TBX18: variants seen among roughly 807,000 people sequenced by gnomAD.
The protein encoded by TBX18 is T-box transcription factor 18.
A neutral mutation model predicts 55.0 loss-of-function variants in TBX18; 21 were observed. The observed-to-expected ratio is 0.38, with a 90% CI of 0.27 to 0.55. The LOEUF (loss-of-function observed/expected upper bound fraction) is 0.55. Among genes scored for constraint, TBX18 ranks in the 20% least tolerant of loss-of-function variants. The probability of loss-of-function intolerance (pLI) is 0.73; values close to 1 mark genes in which losing one functional copy is unlikely to be tolerated. For synonymous variants in TBX18, 342 were observed against 326.1 expected, an observed-to-expected ratio of 1.05 and a Z score of -0.53; for missense variants, 840 against 799.6, an observed-to-expected ratio of 1.05 and a Z score of -0.61.
chr6:84,737,752 A>G (rs184994473), intron 7 of TBX18, among the ~76,000 whole-genome samples: 1 of 152,298 alleles, frequency 6.6e-6, no homozygotes, highest in African/African-American at 2.4e-5. Flanking sequence ...ACTTGACAGA[A>G]CTTAAGGGGA....
intron 6 of TBX18, among the ~76,000 whole-genome samples, chr6:84,740,115 G>T (rs1767008484): frequency 1.3e-5 from 2 of 152,174 alleles, no homozygotes; most frequent in Non-Finnish European, 2.9e-5. Context: ...TCAAAGAGAT[G>T]TCTGCAGCCC....
At chr6:84,739,500 G>A (rs1766988577) in intron 6 of TBX18, among the ~76,000 whole-genome samples, 1 of 152,032 alleles carries the variant, frequency 6.6e-6, no homozygotes, top group Non-Finnish European at 1.5e-5. Context: ...CACTCAACTA[G>A]ATCATTCTCA....
At chr6:84,755,632 CT>C (rs1000314814) in intron 4 of TBX18, among the ~76,000 whole-genome samples, 1 of 152,190 alleles carries the variant, frequency 6.6e-6, no homozygotes, top group Admixed American at 6.5e-5. Context: ...TACTATGTTA[CT>C]TTTTTATTTC....
chr6:84,737,232 G>C lies in TBX18; in HGVS notation c.1277C>G (p.Thr426Ser). Reference sequence around the variant, plus strand: ...CAAAGATGTGCTGTATCGGTTGAGGGTGAGGCCTGAGCGGGCACAGGCAGA... The same window carrying C: ...CAAAGATGTGCTGTATCGGTTGAGGCTGAGGCCTGAGCGGGCACAGGCAGA... ...DYSACARSGL[T>S]LNRYSTSLAE... Residue 426 changes from threonine (T) to serine (S), a missense_variant, in exon 8 of 8, where the codon ACC becomes AGC. Coordinates refer to ENST00000369663, the MANE Select transcript of TBX18 (RefSeq NM_001080508.3). 6.2e-7 allele frequency: 1 copy of C among 1,610,476 alleles called. No homozygotes were observed. Among genetic ancestry groups the C allele is most frequent in the Non-Finnish European group, 8.5e-7 (1 of 1,177,980 alleles).
At position 84,764,220 on chromosome 6, in the gene TBX18, C is replaced by T. The variant is rs1159935491; in HGVS notation, c.-39G>A. 10 of 1,177,850 alleles carry T rather than the reference C, an allele frequency of 8.5e-6. No individual in the cohort carries two copies. The highest frequency in any genetic ancestry group is 1.1e-5 in the Non-Finnish European group (10 of 892,648). 73.0% of individuals were successfully genotyped at this position (1,177,850 alleles called of 1,614,324 possible). On this transcript the variant is annotated 5_prime_UTR_variant, in exon 1 of 8. Coordinates refer to ENST00000369663, the MANE Select transcript of TBX18 (RefSeq NM_001080508.3). Reference sequence around the variant, plus strand: ...CGCCCGCCCGCCCCTCTCTCATATACACTCACGCGGGCACACGCGCGCTCT... The same window carrying T: ...CGCCCGCCCGCCCCTCTCTCATATATACTCACGCGGGCACACGCGCGCTCT...
chr6:84,744,436 A>G, intron 5 of TBX18, 111 bp from the exon 6 acceptor site: 1 of 807,700 alleles, frequency 1.2e-6, no homozygotes, highest in Non-Finnish European at 2.0e-6. Context: ...ACTCTATTGT[A>G]TAAGCCTCTT....
In TBX18 at chr6:84,735,703, G is replaced by A. The variant is rs1773919982; in HGVS notation, c.*982C>T. ...TATACTATCGGTCAGGAAGCTCAGA[G>A]CAAGATGGAAAAAATATTCTAAATT... On this transcript the variant is annotated 3_prime_UTR_variant, in exon 8 of 8. Transcript: ENST00000369663. The A allele has an allele frequency of 2.0e-5, 3 of 152,046 alleles. No individual in the cohort carries two copies. The highest frequency in any genetic ancestry group is 4.4e-5 in the Non-Finnish European group (3 of 67,994). 9.4% of individuals were successfully genotyped at this position (152,046 alleles called of 1,614,324 possible).
At chr6:84,759,101 A>G (rs1767575544) in intron 3 of TBX18, among the ~76,000 whole-genome samples, 1 of 152,158 alleles carries the variant, frequency 6.6e-6, no homozygotes, top group African/African-American at 2.4e-5. Flanking sequence ...TAAATCAAGT[A>G]TATTTAAAAA....
At chr6:84,748,977 A>T (rs528566685) in intron 4 of TBX18, among the ~76,000 whole-genome samples, 1 of 152,352 alleles carries the variant, frequency 6.6e-6, no homozygotes, top group African/African-American at 2.4e-5. Context: ...TCTTAAATTT[A>T]AAAAATGACC....
intron 3 of TBX18, among the ~76,000 whole-genome samples, chr6:84,759,688 A>G (rs1767594223): frequency 6.6e-6 from 1 of 152,114 alleles, no homozygotes; most frequent in African/African-American, 2.4e-5. Flanking sequence ...ATACCAAAAA[A>G]ACAACAGAAA....
At chr6:84,762,427 C>T (rs1352111323) in intron 2 of TBX18, 117 bp downstream of exon 2, 4 of 1,279,830 alleles carry the variant, frequency 3.1e-6, no homozygotes, top group East Asian at 4.6e-5. Context: ...CCCGTTTGAC[C>T]GAAAATGCTA....
At position 84,763,971 on chromosome 6, in the gene TBX18, C is replaced by T. The variant is rs1767739970; in HGVS notation, c.211G>A (p.Glu71Lys). 1.9e-6 allele frequency: 3 copies of T among 1,581,054 alleles called. No homozygotes were observed. Among genetic ancestry groups the T allele is most frequent in the Non-Finnish European group, 2.6e-6 (3 of 1,169,392 alleles). Reference sequence around the variant, plus strand: ...GCCGGCGGCGGGAGCGCAGCGCCTTCGTCTCCCTCAGAAGAACCCTTTTCG... The same window carrying T: ...GCCGGCGGCGGGAGCGCAGCGCCTTTGTCTCCCTCAGAAGAACCCTTTTCG... ...AGEKGSSEGD[E>K]GAALPPPAGA... Residue 71 changes from glutamate to lysine, a missense_variant, in exon 1 of 8, where the codon GAA (glutamate) becomes AAA (lysine). Physicochemically the swap from Glu to Lys is moderately conservative, Grantham distance 56. Coordinates refer to ENST00000369663, the MANE Select transcript of TBX18 (RefSeq NM_001080508.3).
At chr6:84,745,125 ATGTTT>A (rs1334436166) in intron 5 of TBX18, among the ~76,000 whole-genome samples, 1 of 152,184 alleles carries the variant, frequency 6.6e-6, no homozygotes, top group African/African-American at 2.4e-5. Context: ...CCTATATATG[ATGTTT>A]TAGTTTTAAC....
chr6:84,750,975 A>C (rs1008676573), intron 4 of TBX18, among the ~76,000 whole-genome samples: 2 of 152,184 alleles, frequency 1.3e-5, no homozygotes, highest in Non-Finnish European at 2.9e-5. Flanking sequence ...AGGGGAGTTT[A>C]AGGGAGAACC....
At chr6:84,759,895 T>C (rs1207444527) in intron 3 of TBX18, among the ~76,000 whole-genome samples, 1 of 152,156 alleles carries the variant, frequency 6.6e-6, no homozygotes, top group Non-Finnish European at 1.5e-5. Flanking sequence ...TGACTTTCCA[T>C]TTAATATAAT....
At chr6:84,757,078 C>T (rs562216371) in intron 3 of TBX18, among the ~76,000 whole-genome samples, 18 of 152,272 alleles carry the variant, frequency 1.2e-4, no homozygotes, top group East Asian at 3.9e-4. Context: ...GGCGTGTTAA[C>T]GGCTTAGTGA....
In TBX18 at chr6:84,754,574, T is replaced by C. The variant is rs539886741; in HGVS notation, c.771+2124A>G. 1.9e-4 allele frequency among the ~76,000 whole-genome samples: 29 copies of C among 152,354 alleles called. No homozygotes were observed. In the South Asian group the frequency reaches 6.0e-3, roughly 32 times the overall value. ...TTATTTCCCTAATAGTAAAATATTA[T>C]AATTATTTAGGTTTAAGTAACTGAA... On this transcript the variant is annotated intron_variant, in intron 4 of 7. Coordinates refer to ENST00000369663, the MANE Select transcript of TBX18 (RefSeq NM_001080508.3).
chr6:84,760,006 C>T (rs1226462175), intron 3 of TBX18, among the ~76,000 whole-genome samples: 1 of 152,164 alleles, frequency 6.6e-6, no homozygotes, highest in African/African-American at 2.4e-5. Context: ...AAATTATCCC[C>T]TTTAAAAAGT....
chr6:84,749,013 C>A (rs903428914), intron 4 of TBX18, among the ~76,000 whole-genome samples: 13 of 152,046 alleles, frequency 8.6e-5, no homozygotes, highest in Admixed American at 6.5e-5. Context: ...CTTGTTAAAA[C>A]TACATAAAAA....
Sources: allele counts gnomAD v4.1 joint callset (sites outside exome capture counted in the v4.1 genomes callset), GRCh38; gene constraint gnomAD v4.1.1; transcripts MANE v1.5; gene names NCBI Gene and HGNC (gene_info 2026-07-23, HGNC 2026-07-21).